Variants in NFATC3 observed in about 807,000 individuals in gnomAD.
NFATC3 encodes the protein nuclear factor of activated T-cells, cytoplasmic 3.
Under a neutral mutation model 98.6 loss-of-function variants are expected in NFATC3, and 46 were observed. The observed-to-expected ratio is 0.47, with a 90% CI of 0.37 to 0.60. The LOEUF (loss-of-function observed/expected upper bound fraction) is 0.60, where lower values mean the gene tolerates loss of function less well. Ranked by LOEUF, NFATC3 falls within the 20% of genes least tolerant of loss-of-function variation. The pLI is 0.00. For synonymous variants in NFATC3, 512 were observed against 472.2 expected, an observed-to-expected ratio of 1.08 and a Z score of -1.09; for missense variants, 1,256 against 1,295.5, an observed-to-expected ratio of 0.97 and a Z score of 0.47.
chr16:68,191,290 A>G lies in NFATC3; in HGVS notation c.2621A>G (p.His874Arg). The change falls in exon 9 of 10, where the codon CAT (histidine) becomes CGT (arginine). Residue 874 changes from histidine to arginine, a missense_variant. This residue lies in a region of NFATC3 where 636 missense variants were observed against 617.3 expected (regional missense o/e 1.03). Transcript: ENST00000346183. Reference sequence around the variant, plus strand: ...TTAGCCCATACACCTCATTCTGTGCATACCCTGCCTCATCTGCAATCAATG... The same window carrying G: ...TTAGCCCATACACCTCATTCTGTGCGTACCCTGCCTCATCTGCAATCAATG... The part of the protein sequence containing the change: ...HLLAHTPHSV[H>R]TLPHLQSMGY... 6.2e-7 allele frequency: 1 copy of G among 1,614,214 alleles called. No homozygotes were observed. The highest frequency in any genetic ancestry group is 1.1e-5 in the South Asian group (1 of 91,084).
intron 1 of NFATC3, among the ~76,000 whole-genome samples, chr16:68,096,995 G>T (rs2037887425): frequency 1.3e-5 from 2 of 152,160 alleles, no homozygotes; most frequent in Non-Finnish European, 1.5e-5. Flanking sequence ...AATGGAGGTG[G>T]GGACACATGT....
chr16:68,092,893 CTT>C (rs1335255076), intron 1 of NFATC3, among the ~76,000 whole-genome samples: 1 of 152,168 alleles, frequency 6.6e-6, no homozygotes, highest in African/African-American at 2.4e-5. Context: ...CTGAAAATGA[CTT>C]TTGTTTCCCC....
chr16:68,128,518 T>A (rs1344909004), intron 3 of NFATC3, among the ~76,000 whole-genome samples: 1 of 152,090 alleles, frequency 6.6e-6, no homozygotes, highest in African/African-American at 2.4e-5. Context: ...AATGAACAAG[T>A]CTTTTGGGAG....
intron 1 of NFATC3, among the ~76,000 whole-genome samples, chr16:68,104,667 T>A (rs551200801): frequency 1.3e-5 from 2 of 150,718 alleles, no homozygotes; most frequent in Admixed American, 6.6e-5. Flanking sequence ...TTTTTTTTTT[T>A]TTGAAATGGA....
chr16:68,214,595 T>G (rs2047319109), intron 9 of NFATC3, among the ~76,000 whole-genome samples: 1 of 152,196 alleles, frequency 6.6e-6, no homozygotes, highest in Non-Finnish European at 1.5e-5. Flanking sequence ...AGACTCTGCT[T>G]TTTAAACTTA....
intron 1 of NFATC3, among the ~76,000 whole-genome samples, chr16:68,086,212 C>T (rs545517327): frequency 6.6e-6 from 1 of 151,984 alleles, no homozygotes; most frequent in Admixed American, 6.5e-5. Context: ...ACGGTAGGAC[C>T]CCTCTAAAAA....
intron 5 of NFATC3, among the ~76,000 whole-genome samples, chr16:68,167,810 C>CCTTTTTTTTTTTTT (rs2039270785): frequency 4.2e-5 from 1 of 23,898 alleles, no homozygotes; most frequent in East Asian, 1.9e-3. Flanking sequence ...CGTATGTGTT[C>CCTTTTTTTTTTTTT]TTTTTTTTTT....
intron 3 of NFATC3, among the ~76,000 whole-genome samples, chr16:68,138,139 G>C (rs2037543273): frequency 6.6e-6 from 1 of 151,346 alleles, no homozygotes; most frequent in Non-Finnish European, 1.5e-5. Flanking sequence ...GGGATCTAGT[G>C]ATTCTCCTGC....
At chr16:68,107,327 C>T (rs1380271274) in intron 1 of NFATC3, among the ~76,000 whole-genome samples, 1 of 152,198 alleles carries the variant, frequency 6.6e-6, no homozygotes, top group Non-Finnish European at 1.5e-5. Flanking sequence ...AATTGCTACA[C>T]TGTCTTCCAC....
chr16:68,094,737 C>T (rs1190093027), intron 1 of NFATC3, among the ~76,000 whole-genome samples: 1 of 152,118 alleles, frequency 6.6e-6, no homozygotes, highest in African/African-American at 2.4e-5. Context: ...TTTTAATCAT[C>T]CGATTACTAT....
intron 1 of NFATC3, among the ~76,000 whole-genome samples, chr16:68,086,234 T>G (rs2034366549): frequency 6.6e-6 from 1 of 152,196 alleles, no homozygotes; most frequent in Non-Finnish European, 1.5e-5. Flanking sequence ...CAGGCACGTG[T>G]TTTTTTAAGT....
intron 1 of NFATC3, among the ~76,000 whole-genome samples, chr16:68,115,288 T>C (rs1258059778): frequency 6.6e-6 from 1 of 152,180 alleles, no homozygotes; most frequent in African/African-American, 2.4e-5. Context: ...GGTCTCGAAC[T>C]CCTGACCTTG....
At chr16:68,195,545 A>C (rs2040627999) in intron 9 of NFATC3, among the ~76,000 whole-genome samples, 1 of 152,026 alleles carries the variant, frequency 6.6e-6, no homozygotes, top group Admixed American at 6.6e-5. Flanking sequence ...GCAGTGGCTC[A>C]TGCCTGTAAT....
At position 68,190,789 on chromosome 16, in the gene NFATC3, G is replaced by C. The variant is rs576793297; in HGVS notation, c.2120G>C (p.Arg707Thr). ...YTPVLMKQEH[R>T]EEIDLSSVPS... ...TCAGTTTTGATGAAGCAAGAACACA[G>C]AGAAGAGATTGATTTGTCTTCAGTT... The change falls in exon 9 of 10, where the codon AGA (arginine) becomes ACA (threonine). Residue 707 changes from arginine to threonine, a missense_variant. Arg to Thr is a moderately conservative substitution (Grantham distance 71, BLOSUM62 -1). Around this residue, in one of 3 missense-constraint regions of NFATC3, gnomAD observed 636 missense variants for 617.3 expected, o/e 1.03. Coordinates refer to ENST00000346183, the MANE Select transcript of NFATC3 (RefSeq NM_173165.3). The C allele has an allele frequency of 6.2e-7, 1 of 1,607,954 alleles. No individual in the cohort carries two copies. The highest frequency in any genetic ancestry group is 1.1e-5 in the South Asian group (1 of 90,504).
chr16:68,198,179 A>G (rs1422728577), intron 9 of NFATC3, among the ~76,000 whole-genome samples: 1 of 152,078 alleles, frequency 6.6e-6, no homozygotes, highest in African/African-American at 2.4e-5. Context: ...TTACCTGGGC[A>G]GGGTAGCACG....
At chr16:68,210,851 G>A (rs965710394) in intron 9 of NFATC3, among the ~76,000 whole-genome samples, 11 of 151,780 alleles carry the variant, frequency 7.2e-5, no homozygotes, top group African/African-American at 2.4e-4. Context: ...GTGTGACCTC[G>A]GCTCACTGCA....
intron 3 of NFATC3, among the ~76,000 whole-genome samples, chr16:68,137,451 G>A (rs867750267): frequency 6.6e-6 from 1 of 152,060 alleles, no homozygotes; most frequent in African/African-American, 2.4e-5. Flanking sequence ...CCACTGTTAT[G>A]TAGCTCATGA....
chr16:68,138,644 C>A, intron 3 of NFATC3: 1 of 1,288,778 alleles, frequency 7.8e-7, no homozygotes, highest in East Asian at 5.6e-5. Context: ...TCAATCATCA[C>A]CACTTACAAT....
chr16:68,175,052 A>T (rs889546380), intron 6 of NFATC3, among the ~76,000 whole-genome samples: 1 of 152,262 alleles, frequency 6.6e-6, no homozygotes, highest in Non-Finnish European at 1.5e-5. Flanking sequence ...ATGGATAAAC[A>T]AAATGTGATA....
Sources: allele counts gnomAD v4.1 joint callset (sites outside exome capture counted in the v4.1 genomes callset), GRCh38; gene constraint gnomAD v4.1.1; regional missense constraint gnomAD v4.1.1; transcripts MANE v1.5; gene names NCBI Gene and HGNC (gene_info 2026-07-23, HGNC 2026-07-21).